Variants in PHF21A observed in about 807,000 individuals in gnomAD.
PHF21A encodes the protein BHC80a.
In PHF21A, 11 loss-of-function variants were observed where a neutral mutation model predicts 82.5. The ratio of observed to expected loss-of-function variants is 0.13; its 90% CI spans 0.08 to 0.22. PHF21A has a LOEUF of 0.22. Among genes scored for constraint, PHF21A ranks in the 10% least tolerant of loss-of-function variants. PHF21A has a pLI of 1.00. For missense variants in PHF21A, 579 were observed against 837.8 expected (o/e 0.69, Z 3.81); for synonymous variants, 297 against 302.8 (o/e 0.98, Z 0.20).
intron 6 of PHF21A, among the ~76,000 whole-genome samples, chr11:46,064,627 T>C (rs1189528195): frequency 6.6e-6 from 1 of 152,220 alleles, no homozygotes; most frequent in African/African-American, 2.4e-5. Context: ...CTGGTTCTTA[T>C]ACCCTAATCT....
intron 6 of PHF21A, among the ~76,000 whole-genome samples, chr11:45,990,276 T>TC (rs1432390471): frequency 3.4e-5 from 2 of 59,276 alleles, no homozygotes; most frequent in African/African-American, 1.0e-4. Flanking sequence ...TTTTTTTTTT[T>TC]CAAACAGGAT....
chr11:46,111,122 G>A (rs1282602442), intron 1 of PHF21A, among the ~76,000 whole-genome samples: 1 of 151,294 alleles, frequency 6.6e-6, no homozygotes, highest in Non-Finnish European at 1.5e-5. Flanking sequence ...TGTGGGGGGG[G>A]AGGCTAGTAT....
chr11:46,084,136 A>G (rs1015715806), intron 4 of PHF21A, 30 bp downstream of exon 4: 1 of 1,512,504 alleles, frequency 6.6e-7, no homozygotes, highest in Non-Finnish European at 9.1e-7. Context: ...ACTTAACAAC[A>G]GTGTGGGAGA....
intron 1 of PHF21A, among the ~76,000 whole-genome samples, chr11:46,098,215 A>G (rs991964959): frequency 6.6e-6 from 1 of 152,192 alleles, no homozygotes; most frequent in Non-Finnish European, 1.5e-5. Flanking sequence ...GTACATAAAT[A>G]AATGGAAGTA....
intron 15 of PHF21A, among the ~76,000 whole-genome samples, chr11:45,944,989 C>T (rs551372635): frequency 2.9e-4 from 44 of 152,366 alleles, no homozygotes; most frequent in African/African-American, 1.0e-3. Context: ...TCTTGAACTC[C>T]TGACTTCAGA....
chr11:45,966,759 A>G (rs2093460960), intron 9 of PHF21A, among the ~76,000 whole-genome samples: 1 of 152,108 alleles, frequency 6.6e-6, no homozygotes, highest in Non-Finnish European at 1.5e-5. Context: ...AGCTGGGGCT[A>G]CAGGCACATG....
intron 1 of PHF21A, among the ~76,000 whole-genome samples, chr11:46,107,549 A>T (rs1460438921): frequency 2.0e-5 from 3 of 152,238 alleles, no homozygotes; most frequent in African/African-American, 7.2e-5. Flanking sequence ...TTAGAATTTT[A>T]CGGCAAGGCT....
intron 6 of PHF21A, among the ~76,000 whole-genome samples, chr11:46,073,400 T>C (rs1309753746): frequency 6.6e-6 from 1 of 152,154 alleles, no homozygotes; most frequent in Non-Finnish European, 1.5e-5. Flanking sequence ...AGAATGTCAT[T>C]AGATTTTTAA....
At chr11:45,960,608 CAGAAGT>C (rs1250802001) in intron 10 of PHF21A, among the ~76,000 whole-genome samples, 1 of 152,076 alleles carries the variant, frequency 6.6e-6, no homozygotes, top group Non-Finnish European at 1.5e-5. Flanking sequence ...TGTAACTTAA[CAGAAGT>C]GATGGTTGCA....
intron 6 of PHF21A, among the ~76,000 whole-genome samples, chr11:46,014,136 G>T (rs1227897619): frequency 1.3e-5 from 2 of 152,130 alleles, no homozygotes; most frequent in Non-Finnish European, 2.9e-5. Flanking sequence ...GTACCCAACA[G>T]GAAGTTTTTC....
At chr11:46,072,520 A>C (rs1055661423) in intron 6 of PHF21A, among the ~76,000 whole-genome samples, 4 of 152,170 alleles carry the variant, frequency 2.6e-5, no homozygotes, top group Non-Finnish European at 5.9e-5. Flanking sequence ...CCCTAGCCCT[A>C]GGGGGACCTA....
intron 6 of PHF21A, among the ~76,000 whole-genome samples, chr11:46,005,105 C>T (rs950290572): frequency 2.0e-5 from 3 of 152,164 alleles, no homozygotes; most frequent in Non-Finnish European, 2.9e-5. Flanking sequence ...GGCTCAGTTA[C>T]CAAGAGCAAC....
At chr11:45,935,433 G>A in intron 18 of PHF21A, 1 of 672,438 alleles carries the variant, frequency 1.5e-6, no homozygotes, top group Non-Finnish European at 2.5e-6. Context: ...CAGAGCTTGG[G>A]TAAGGCACCA....
intron 5 of PHF21A, among the ~76,000 whole-genome samples, chr11:46,078,277 A>T (rs891907714): frequency 6.6e-6 from 1 of 152,206 alleles, no homozygotes; most frequent in African/African-American, 2.4e-5. Context: ...ACTTCCAAAA[A>T]TCAATGTGCC....
chr11:46,084,050 G>A (rs1315607649), intron 4 of PHF21A, 116 bp downstream of exon 4: 5 of 720,378 alleles, frequency 6.9e-6, no homozygotes, highest in African/African-American at 1.9e-5. Flanking sequence ...CATGACTCTT[G>A]GACAAAATTG....
intron 6 of PHF21A, among the ~76,000 whole-genome samples, chr11:46,042,420 G>A (rs539552805): frequency 5.9e-5 from 9 of 152,226 alleles, no homozygotes; most frequent in African/African-American, 2.2e-4. Flanking sequence ...ACTTGAGCTG[G>A]TCTACGCTGA....
intron 6 of PHF21A, among the ~76,000 whole-genome samples, chr11:46,014,782 C>T (rs2095481043): frequency 9.4e-6 from 1 of 106,546 alleles, no homozygotes; most frequent in African/African-American, 5.4e-5. Context: ...AGATCGAGAC[C>T]ATCCCGGCTA....
intron 6 of PHF21A, among the ~76,000 whole-genome samples, chr11:45,984,936 A>G (rs1376220936): frequency 6.6e-6 from 1 of 152,194 alleles, no homozygotes; most frequent in Non-Finnish European, 1.5e-5. Flanking sequence ...CCTTCCATGA[A>G]TCAACATGCA....
intron 6 of PHF21A, among the ~76,000 whole-genome samples, chr11:46,002,611 G>A (rs1382372976): frequency 2.0e-5 from 3 of 151,954 alleles, no homozygotes; most frequent in Non-Finnish European, 2.9e-5. Flanking sequence ...ACTTATTTAC[G>A]TCACAGATAT....
Sources: allele counts gnomAD v4.1 joint callset (sites outside exome capture counted in the v4.1 genomes callset), GRCh38; gene constraint gnomAD v4.1.1; transcripts MANE v1.5; gene names NCBI Gene and HGNC (gene_info 2026-07-23, HGNC 2026-07-21).